ESR1: variants seen among roughly 807,000 people sequenced by gnomAD.
ESR1 encodes estrogen receptor 1.
Under a neutral mutation model 52.7 loss-of-function variants are expected in ESR1, and 12 were observed. That is an observed-to-expected ratio of 0.23 (90% CI 0.15 to 0.37). ESR1 has a LOEUF of 0.37. ESR1 is among the 10% of genes least tolerant of loss of function. ESR1 has a pLI of 1.00. For synonymous variants in ESR1, 305 were observed against 316.8 expected (o/e 0.96, Z 0.39); for missense variants, 584 against 779.7 (o/e 0.75, Z 2.99).
intron 1 of ESR1, among the ~76,000 whole-genome samples, chr6:151,670,019 T>C (rs1487496548): frequency 6.6e-6 from 1 of 152,176 alleles, no homozygotes; most frequent in African/African-American, 2.4e-5. Flanking sequence ...ATGGCCTCAC[T>C]TTGCACTTCG....
chr6:151,729,245 G>A (rs573170018), intron 2 of ESR1, among the ~76,000 whole-genome samples: 45 of 152,274 alleles, frequency 3.0e-4, no homozygotes, highest in Non-Finnish European at 5.3e-4. Flanking sequence ...AGAGGGTGCC[G>A]TCTGTGAACT....
In ESR1 at chr6:151,737,249, C is replaced by A. The variant is rs138107828; in HGVS notation, c.-71+35244C>A. ...AACAAATGTGCATGTTATTTTTAGACGTATGTTTGGTTATTTCTTTACGAT... is the reference window on the plus strand; with the variant it reads ...AACAAATGTGCATGTTATTTTTAGAAGTATGTTTGGTTATTTCTTTACGAT... On this transcript the variant is annotated intron_variant, in intron 2 of 2. Coordinates refer to the ESR1 transcript ENST00000404742. Among the ~76,000 whole-genome samples, 14 of 152,120 alleles carry A rather than the reference C, an allele frequency of 9.2e-5. No homozygotes were observed. The East Asian group carries it at 2.7e-3, about 29-fold the overall frequency.
chr6:152,095,135 A>C (rs891261598), intron 7 of ESR1, among the ~76,000 whole-genome samples: 2 of 152,210 alleles, frequency 1.3e-5, no homozygotes, highest in African/African-American at 4.8e-5. Flanking sequence ...GATCCTTTCT[A>C]GATCATTCTC....
intron 3 of ESR1, among the ~76,000 whole-genome samples, chr6:151,939,533 A>G (rs4583998): frequency 0.59 from 89,724 of 152,032 alleles, 27,584 homozygotes; most frequent in Middle Eastern, 0.75. Flanking sequence ...ACAGGCTGTT[A>G]TTTCTGATTT....
chr6:152,065,480 T>C (rs1263232193), intron 6 of ESR1, among the ~76,000 whole-genome samples: 1 of 152,166 alleles, frequency 6.6e-6, no homozygotes, highest in African/African-American at 2.4e-5. Context: ...TAAAAACCTA[T>C]ACTCTCTAAT....
chr6:151,940,267 C>T (rs181084586), intron 3 of ESR1, among the ~76,000 whole-genome samples: 2 of 152,314 alleles, frequency 1.3e-5, no homozygotes, highest in South Asian at 2.1e-4. Flanking sequence ...AGTTACCTCC[C>T]ACTGAGTCCC....
chr6:152,050,583 A>G (rs1239300893), intron 5 of ESR1, among the ~76,000 whole-genome samples: 3 of 152,176 alleles, frequency 2.0e-5, no homozygotes, highest in Non-Finnish European at 4.4e-5. Flanking sequence ...GCCTTGACCC[A>G]TAGCTTACAA....
intron 2 of ESR1, among the ~76,000 whole-genome samples, chr6:151,870,460 T>TG (rs199905965): frequency 0.012 from 1,809 of 152,350 alleles, 36 homozygotes; most frequent in African/African-American, 0.04. Context: ...TAGGTGCTCT[T>TG]GTTCAGTCAT....
intron 3 of ESR1, among the ~76,000 whole-genome samples, chr6:151,943,406 C>CAA (rs139828703): frequency 7.0e-6 from 1 of 143,794 alleles, no homozygotes; most frequent in Non-Finnish European, 1.5e-5. Context: ...AAAACAAAAA[C>CAA]AAAAAAAAAA....
At position 151,913,895 on chromosome 6, in the gene ESR1, A is replaced by T. The variant is rs1346470100; in HGVS notation, c.761-30278A>T. 2.0e-5 allele frequency among the ~76,000 whole-genome samples: 3 copies of T among 152,276 alleles called. No homozygotes were observed. The East Asian group carries it at 5.8e-4, about 29-fold the overall frequency. On this transcript the variant is annotated intron_variant, in intron 3 of 7. Transcript: ENST00000206249. ...TTTTTGTGATAATCTTATAATTTTC[A>T]AAGTATCATTTTAGAAATTTTAAAA... is the stretch of plus-strand genomic sequence containing the variant.
intron 5 of ESR1, among the ~76,000 whole-genome samples, chr6:152,048,738 A>G (rs1247566987): frequency 6.6e-6 from 1 of 152,196 alleles, no homozygotes; most frequent in Non-Finnish European, 1.5e-5. Flanking sequence ...ACAATGGACT[A>G]AAAAATAGTA....
intron 5 of ESR1, among the ~76,000 whole-genome samples, chr6:152,015,137 A>G (rs1381738982): frequency 6.6e-6 from 1 of 152,106 alleles, no homozygotes; most frequent in Admixed American, 6.6e-5. Flanking sequence ...TCAAACGCAA[A>G]TTTCTGAAGA....
At chr6:151,760,033 A>G (rs1298387234) in intron 2 of ESR1, among the ~76,000 whole-genome samples, 1 of 152,218 alleles carries the variant, frequency 6.6e-6, no homozygotes, top group African/African-American at 2.4e-5. Context: ...TAACTGAAAC[A>G]CACATGCATA....
chr6:152,123,413 T>C (rs1342106049), intron 6 of ESR1, among the ~76,000 whole-genome samples: 1 of 152,210 alleles, frequency 6.6e-6, no homozygotes, highest in Admixed American at 6.5e-5. Flanking sequence ...GGATGGACTG[T>C]CATCCTACAG....
At chr6:152,118,559 A>G (rs1365165689) in intron 6 of ESR1, among the ~76,000 whole-genome samples, 1 of 145,058 alleles carries the variant, frequency 6.9e-6, no homozygotes, top group Admixed American at 6.9e-5. Context: ...GAGAACACAT[A>G]GACACAGGGA....
At chr6:152,030,656 C>T (rs987693951) in intron 5 of ESR1, among the ~76,000 whole-genome samples, 16 of 152,104 alleles carry the variant, frequency 1.1e-4, no homozygotes, top group African/African-American at 3.9e-4. Flanking sequence ...TAGTGACCTA[C>T]AAAGAGACTT....
At chr6:151,958,156 A>C (rs1469407320) in intron 4 of ESR1, among the ~76,000 whole-genome samples, 2 of 152,246 alleles carry the variant, frequency 1.3e-5, no homozygotes, top group Non-Finnish European at 2.9e-5. Context: ...TGGTGGGCAA[A>C]TAGCAGTCCA....
intron 1 of ESR1, among the ~76,000 whole-genome samples, chr6:151,816,927 T>C (rs1779749919): frequency 6.6e-6 from 1 of 152,066 alleles, no homozygotes; most frequent in Admixed American, 6.6e-5. Flanking sequence ...TAAAAATTAA[T>C]CAATCAATAA....
Position 152,098,595 on chromosome 6 carries a change from G to A in ESR1, c.1554-137G>A, listed in dbSNP as rs1038204325. 3 of 754,632 alleles carry A rather than the reference G, an allele frequency of 4.0e-6. No homozygotes were observed. The highest frequency in any genetic ancestry group is 4.6e-6 in the Non-Finnish European group (2 of 434,830). 46.7% of individuals were successfully genotyped at this position (754,632 alleles called of 1,614,324 possible). On this transcript the variant is annotated intron_variant, in intron 7 of 7. Transcript: ENST00000206249. The surrounding 1 kb of genome is among the most constrained non-coding windows in gnomAD (Gnocchi z 5.1). ...CAGCTTTCCCAGCTCCCATCCTAAAGTGGGTCTTTAAACAGGAAGAAAGAA... is the reference window on the plus strand; with the variant it reads ...CAGCTTTCCCAGCTCCCATCCTAAAATGGGTCTTTAAACAGGAAGAAAGAA...
Sources: gnomAD v4.1 joint callset for allele counts (sites outside exome capture counted in the v4.1 genomes callset) on GRCh38, gnomAD v4.1.1 for gene constraint, Gnocchi (gnomAD v3.1) non-coding constraint, MANE v1.5 for transcripts, NCBI Gene and HGNC (gene_info 2026-07-23, HGNC 2026-07-21) for gene names.